KIRREL1: variants seen among roughly 807,000 people sequenced by gnomAD.
KIRREL1 encodes kin of IRRE-like protein 1.
KIRREL1 carries 25 observed loss-of-function variants against 83.3 expected under a neutral mutation model. The ratio of observed to expected loss-of-function variants is 0.30; its 90% CI spans 0.22 to 0.42. The LOEUF is 0.42. KIRREL1 is among the 10% of genes least tolerant of loss of function. The probability of loss-of-function intolerance (pLI) is 1.00; values close to 1 mark genes in which losing one functional copy is unlikely to be tolerated. For synonymous variants in KIRREL1, 388 were observed against 410.4 expected, an observed-to-expected ratio of 0.95 and a Z score of 0.66; for missense variants, 812 against 1,032.3, an observed-to-expected ratio of 0.79 and a Z score of 2.92.
chr1:158,085,360 G>T (rs188754998), intron 4 of KIRREL1, among the ~76,000 whole-genome samples: 1 of 152,328 alleles, frequency 6.6e-6, no homozygotes, highest in East Asian at 1.9e-4. Flanking sequence ...GGAATACCTG[G>T]CTTCTGGCTT....
Position 158,074,623 on chromosome 1 carries a change from C to G in KIRREL1, c.53-1490C>G, listed in dbSNP as rs190047059. 2.6e-5 allele frequency among the ~76,000 whole-genome samples: 4 copies of G among 152,204 alleles called. No homozygotes were observed. In the East Asian group the frequency reaches 7.7e-4, roughly 29 times the overall value. ...TAGTGATAACAGCAGGGCCGAGTGACGCGACCGGTTATATTTGCCCAAGAG... is the reference window on the plus strand; with the variant it reads ...TAGTGATAACAGCAGGGCCGAGTGAGGCGACCGGTTATATTTGCCCAAGAG... On this transcript the variant is annotated intron_variant, in intron 1 of 14. Transcript: ENST00000359209.
chr1:158,091,276 T>A (rs933730670), intron 10 of KIRREL1, 82 bp from the exon 11 acceptor site: 2 of 1,339,190 alleles, frequency 1.5e-6, no homozygotes, highest in Admixed American at 3.8e-5. Context: ...GAGGGTGCCT[T>A]GAGGGTGGAT....
At chr1:158,052,547 A>G (rs1314315359) in intron 1 of KIRREL1, among the ~76,000 whole-genome samples, 1 of 152,038 alleles carries the variant, frequency 6.6e-6, no homozygotes, top group South Asian at 2.1e-4. Context: ...TGGGAGGCCA[A>G]GGCAGGTGGA....
chr1:158,029,372 T>TGTGTGTGTGTGTGC lies in KIRREL1; in HGVS notation c.52+35645_52+35646insTGTGTGTGTGTGCG, dbSNP rs1190966368. 2.7e-4 allele frequency among the ~76,000 whole-genome samples: 41 copies of TGTGTGTGTGTGTGC among 149,490 alleles called. 1 individual carries two copies. The highest frequency in any genetic ancestry group is 1.1e-3 in the Admixed American group (16 of 15,150). ...GTGTGTGTGTGTGTGTGTGTGCACGTGCGCGCGCATGCACACATGCATGCA... is the reference window on the plus strand; with the variant it reads ...GTGTGTGTGTGTGTGTGTGTGCACGTGTGTGTGTGTGTGCGCGCGCGCATGCACACATGCATGCA... On this transcript the variant is annotated intron_variant, in intron 1 of 14. Transcript: ENST00000359209.
intron 1 of KIRREL1, among the ~76,000 whole-genome samples, chr1:158,024,859 C>A (rs1413279973): frequency 6.6e-6 from 1 of 152,060 alleles, no homozygotes; most frequent in Admixed American, 6.6e-5. Flanking sequence ...TGCGGAAAAA[C>A]CAAATTAAGT....
chr1:158,085,302 T>G (rs1360712178), intron 4 of KIRREL1, among the ~76,000 whole-genome samples: 1 of 152,220 alleles, frequency 6.6e-6, no homozygotes, highest in African/African-American at 2.4e-5. Flanking sequence ...GGAGCACTTC[T>G]CAGTGTGGAG....
intron 1 of KIRREL1, among the ~76,000 whole-genome samples, chr1:158,046,138 C>A (rs1660771385): frequency 1.3e-5 from 2 of 152,208 alleles, no homozygotes; most frequent in African/African-American, 4.8e-5. Context: ...ACCCATTAAG[C>A]AGCTACTGCA....
intron 1 of KIRREL1, among the ~76,000 whole-genome samples, chr1:158,014,269 A>G (rs1457759044): frequency 6.6e-6 from 1 of 152,074 alleles, no homozygotes; most frequent in Non-Finnish European, 1.5e-5. Flanking sequence ...CTTTTATTTA[A>G]AATCAGAGAG....
At chr1:158,079,032 G>C (rs1239970784) in intron 3 of KIRREL1, among the ~76,000 whole-genome samples, 2 of 152,036 alleles carry the variant, frequency 1.3e-5, no homozygotes, top group African/African-American at 2.4e-5. Context: ...CAGTCTTCCT[G>C]TTCTCTCCAG....
chr1:158,093,395 A>G lies in KIRREL1; in HGVS notation c.1528A>G (p.Ile510Val). The change falls in exon 12 of 15, where the codon ATC becomes GTC. Residue 510 changes from isoleucine (I) to valine (V), a missense_variant. Physicochemically the swap from Ile to Val is conservative, Grantham distance 29. This residue lies in a region of KIRREL1 where 334 missense variants were observed against 383.7 expected (regional missense o/e 0.87). Coordinates refer to ENST00000359209, the MANE Select transcript of KIRREL1 (RefSeq NM_018240.7). ...GATIGASILLIFFFIALVFFL... is the reference protein window; with the variant it reads ...GATIGASILLVFFFIALVFFL... ...CACCATCGGCGCGAGCATCCTGCTC[A>G]TCTTCTTCTTCATCGCCTTGGTATT... 6 of 1,614,212 alleles carry G rather than the reference A, an allele frequency of 3.7e-6. No homozygotes were observed. Among genetic ancestry groups the G allele is most frequent in the Non-Finnish European group, 3.4e-6 (4 of 1,180,036 alleles).
chr1:158,004,563 CAG>C, intron 1 of KIRREL1, among the ~76,000 whole-genome samples: 1 of 152,206 alleles, frequency 6.6e-6, no homozygotes, highest in East Asian at 1.9e-4. Context: ...ATCTGTAAAA[CAG>C]AGTGATAGCA....
Position 158,084,402 on chromosome 1 carries a change from T to C in KIRREL1, c.353-20T>C. On this transcript the variant is annotated intron_variant, in intron 3 of 14. Transcript: ENST00000359209. ...TGTTAGCCACACCCTGCACTGACTT[T>C]GCTCTGCTTTCTCCCACAGTCCCCC... is the stretch of plus-strand genomic sequence containing the variant. 1 of 1,543,952 alleles carries C rather than the reference T, an allele frequency of 6.5e-7. No individual in the cohort carries two copies. Among genetic ancestry groups the C allele is most frequent in the Non-Finnish European group, 8.8e-7 (1 of 1,142,086 alleles).
chr1:158,044,617 GC>G, intron 1 of KIRREL1, among the ~76,000 whole-genome samples: 1 of 152,250 alleles, frequency 6.6e-6, no homozygotes, highest in Non-Finnish European at 1.5e-5. Context: ...TCATACCTCA[GC>G]CTCCTGAGTA....
chr1:158,065,794 C>T (rs540496776), intron 1 of KIRREL1, among the ~76,000 whole-genome samples: 1 of 139,392 alleles, frequency 7.2e-6, no homozygotes, highest in African/African-American at 2.7e-5. Context: ...GGGTGGGAAT[C>T]GCAGCCCGGA....
At chr1:158,064,279 G>A (rs561170988) in intron 1 of KIRREL1, among the ~76,000 whole-genome samples, 7 of 152,302 alleles carry the variant, frequency 4.6e-5, no homozygotes, top group South Asian at 4.1e-4. Context: ...AGTCTTTGGC[G>A]TCATGGTTAA....
rs370156588 is a variant in KIRREL1 at position 158,020,600 on chromosome 1, CAA to C, written c.52+26893_52+26894del. ...GCAGAATGACTGCCATACAGTAAAT[CAA>C]AAAAAAAAAAAAAAAAAAAAGCCGT... On this transcript the variant is annotated intron_variant, in intron 1 of 14. Transcript: ENST00000359209. 2.3e-3 allele frequency among the ~76,000 whole-genome samples: 194 copies of C among 83,650 alleles called. 1 individual carries two copies. Among genetic ancestry groups the C allele is most frequent in the African/African-American group, 8.4e-3 (179 of 21,338 alleles). 54.9% of individuals were successfully genotyped at this position (83,650 alleles called of 152,430 possible).
chr1:157,997,130 C>A (rs569319283), intron 1 of KIRREL1, among the ~76,000 whole-genome samples: 6 of 152,162 alleles, frequency 3.9e-5, no homozygotes, highest in African/African-American at 1.4e-4. Context: ...ATTTGATGAG[C>A]GCGCTGCAGT....
rs564721837 is a variant in KIRREL1 at position 158,049,046 on chromosome 1, A to G, written c.53-27067A>G. On this transcript the variant is annotated intron_variant, in intron 1 of 14. Transcript: ENST00000359209. ...GAAGAGGGAGCATTTGGGTTGCACT[A>G]AAGAAGAAAAACTTGCATTTGCAAG... Among the ~76,000 whole-genome samples, 3 of 152,312 alleles carry G rather than the reference A, an allele frequency of 2.0e-5. No homozygotes were observed. In the South Asian group the frequency reaches 6.2e-4, roughly 32 times the overall value.
intron 1 of KIRREL1, among the ~76,000 whole-genome samples, chr1:157,994,553 G>A (rs1659138359): frequency 6.6e-6 from 1 of 151,952 alleles, no homozygotes; most frequent in African/African-American, 2.4e-5. Flanking sequence ...AGTGTATCCT[G>A]GGCAGGGCTG....
Sources: gnomAD v4.1 joint callset for allele counts (sites outside exome capture counted in the v4.1 genomes callset) on GRCh38, gnomAD v4.1.1 for gene constraint, gnomAD v4.1.1 regional missense constraint, MANE v1.5 for transcripts, NCBI Gene and HGNC (gene_info 2026-07-23, HGNC 2026-07-21) for gene names.